SAXO1: variants seen among roughly 807,000 people sequenced by gnomAD.
The protein encoded by SAXO1 is 4930500O09Rik.
In SAXO1, 21 loss-of-function variants were observed where a neutral mutation model predicts 17.5. The ratio of observed to expected loss-of-function variants is 1.20; its 90% CI spans 0.85 to 1.72. The LOEUF is 1.72. SAXO1 is among the 40% of genes most tolerant of loss of function. SAXO1 has a pLI of 0.00. For synonymous variants in SAXO1, 274 were observed against 216.5 expected (o/e 1.27, Z -2.33); for missense variants, 843 against 596.0 (o/e 1.41, Z -4.32).
chr9:19,033,438 G>A (rs780592834), upstream of SAXO1, among the ~76,000 whole-genome samples: 16 of 152,362 alleles, frequency 1.1e-4, no homozygotes, highest in East Asian at 5.8e-4. Flanking sequence ...ACGGTCACAC[G>A]TGCAGAAAAG....
At chr9:19,013,606 G>A (rs1280342413) in intron 1 of SAXO1, among the ~76,000 whole-genome samples, 1 of 145,322 alleles carries the variant, frequency 6.9e-6, no homozygotes, top group Admixed American at 6.9e-5. Flanking sequence ...GAATGCAGTG[G>A]TACAATCTCC....
intron 1 of SAXO1, among the ~76,000 whole-genome samples, 159 bp downstream of exon 1, chr9:19,032,712 G>A (rs1440716432): frequency 6.6e-6 from 1 of 152,214 alleles, no homozygotes; most frequent in Admixed American, 6.5e-5. Flanking sequence ...TGGCGTCCGC[G>A]GGCACAACGC....
intron 1 of SAXO1, chr9:19,027,166 G>A: frequency 3.4e-6 from 4 of 1,189,864 alleles, no homozygotes; most frequent in Non-Finnish European, 5.0e-6. Flanking sequence ...GAGGAGGATG[G>A]TCCAAATATT....
chr9:18,981,551 C>G (rs545247682), intron 1 of SAXO1, among the ~76,000 whole-genome samples: 163 of 152,294 alleles, frequency 1.1e-3, no homozygotes, highest in Non-Finnish European at 1.9e-3. Context: ...ACTAGTGATT[C>G]TGGCCACTTC....
At chr9:18,965,542 T>C (rs2131774061) in intron 1 of SAXO1, among the ~76,000 whole-genome samples, 1 of 152,300 alleles carries the variant, frequency 6.6e-6, no homozygotes, top group Non-Finnish European at 1.5e-5. Flanking sequence ...ATTTAAAGTC[T>C]GTTTTATCAA....
At chr9:18,976,638 C>A (rs569921112) in intron 1 of SAXO1, among the ~76,000 whole-genome samples, 2 of 151,186 alleles carry the variant, frequency 1.3e-5, no homozygotes, top group African/African-American at 4.9e-5. Flanking sequence ...GACTTTCATC[C>A]GCACTCTTTA....
chr9:18,984,827 G>T (rs1033021743), intron 1 of SAXO1, among the ~76,000 whole-genome samples: 1 of 152,070 alleles, frequency 6.6e-6, no homozygotes, highest in Non-Finnish European at 1.5e-5. Context: ...CTTTTCCTTT[G>T]CATTCACAGC....
intron 1 of SAXO1, among the ~76,000 whole-genome samples, chr9:19,030,879 C>G (rs1415808028): frequency 6.6e-6 from 1 of 151,988 alleles, no homozygotes; most frequent in South Asian, 2.1e-4. Context: ...ACAGATGGAT[C>G]ACCAAAGCAC....
rs1324256295 is a variant in SAXO1 at position 18,981,273 on chromosome 9, T to C, written c.39-30336A>G. Among the ~76,000 whole-genome samples, 5 of 152,334 alleles carry C rather than the reference T, an allele frequency of 3.3e-5. No individual in the cohort carries two copies. The East Asian group carries it at 9.6e-4, about 29-fold the overall frequency. On this transcript the variant is annotated intron_variant, in intron 1 of 3. Transcript: ENST00000380534. ...CCCACCCCCACTCTTAGTTATAAAA[T>C]ACTTTCTAATAGTCTCATAACAATA... is the stretch of plus-strand genomic sequence containing the variant.
At chr9:18,964,303 A>G (rs2131769998) in intron 1 of SAXO1, among the ~76,000 whole-genome samples, 2 of 152,228 alleles carry the variant, frequency 1.3e-5, no homozygotes, top group South Asian at 4.1e-4. Flanking sequence ...ATTAGGGAGG[A>G]GTCCCTCTTT....
intron 1 of SAXO1, among the ~76,000 whole-genome samples, chr9:18,956,284 AC>A (rs144839002): frequency 0.017 from 2,548 of 152,174 alleles, 78 homozygotes; most frequent in African/African-American, 0.058. Context: ...ATGGCTGCAA[AC>A]AAAGCTGTTC....
At chr9:18,982,233 C>A (rs1833418891) in intron 1 of SAXO1, among the ~76,000 whole-genome samples, 1 of 152,224 alleles carries the variant, frequency 6.6e-6, no homozygotes, top group African/African-American at 2.4e-5. Context: ...AGAGATAATG[C>A]AAACCCATTG....
intron 1 of SAXO1, among the ~76,000 whole-genome samples, chr9:19,000,299 T>C (rs564100469): frequency 6.8e-6 from 1 of 148,044 alleles, no homozygotes; most frequent in Non-Finnish European, 1.5e-5. Flanking sequence ...CGCCCCACCC[T>C]CTGGGAAGTG....
chr9:18,974,509 A>C (rs1204195235), intron 1 of SAXO1, among the ~76,000 whole-genome samples: 1 of 152,242 alleles, frequency 6.6e-6, no homozygotes, highest in African/African-American at 2.4e-5. Flanking sequence ...AGGTAGAGAA[A>C]TACAAGGTAA....
At chr9:18,993,844 G>A (rs1019808686) in intron 1 of SAXO1, among the ~76,000 whole-genome samples, 3 of 152,258 alleles carry the variant, frequency 2.0e-5, no homozygotes, top group Middle Eastern at 3.4e-3. Flanking sequence ...AAGAGAAGCA[G>A]CTAAAACTTG....
At chr9:18,971,528 T>C (rs1223613643) in intron 1 of SAXO1, among the ~76,000 whole-genome samples, 1 of 152,116 alleles carries the variant, frequency 6.6e-6, no homozygotes, top group Non-Finnish European at 1.5e-5. Context: ...TTTATTCCTC[T>C]GAGTACCAAA....
intron 1 of SAXO1, among the ~76,000 whole-genome samples, chr9:19,001,307 C>A (rs1181297236): frequency 6.6e-6 from 1 of 152,166 alleles, no homozygotes; most frequent in Non-Finnish European, 1.5e-5. Context: ...TGCACAACTA[C>A]ATGGAAACTG....
At chr9:18,989,220 A>C (rs1833707910) in intron 1 of SAXO1, among the ~76,000 whole-genome samples, 1 of 152,208 alleles carries the variant, frequency 6.6e-6, no homozygotes, top group Admixed American at 6.5e-5. Context: ...AATGATGCCA[A>C]AACAGAACAT....
chr9:18,985,551 G>A (rs572706730), intron 1 of SAXO1, among the ~76,000 whole-genome samples: 1 of 152,184 alleles, frequency 6.6e-6, no homozygotes, highest in Non-Finnish European at 1.5e-5. Flanking sequence ...AAACAGAGCA[G>A]CAATTGACTG....
Sources: gnomAD v4.1 joint callset for allele counts (sites outside exome capture counted in the v4.1 genomes callset) on GRCh38, gnomAD v4.1.1 for gene constraint, MANE v1.5 for transcripts, NCBI Gene and HGNC (gene_info 2026-07-23, HGNC 2026-07-21) for gene names.